NRXN3: variants seen among roughly 807,000 people sequenced by gnomAD.
NRXN3 encodes the protein neurexin III.
A neutral mutation model predicts 137.6 loss-of-function variants in NRXN3; 32 were observed. The ratio of observed to expected loss-of-function variants is 0.23; its 90% CI spans 0.18 to 0.31. The LOEUF is 0.31. Ranked by LOEUF, NRXN3 falls within the 10% of genes least tolerant of loss-of-function variation. The probability of loss-of-function intolerance (pLI) is 1.00; values close to 1 mark genes in which losing one functional copy is unlikely to be tolerated. For missense variants in NRXN3, 1,574 were observed against 2,062.5 expected (o/e 0.76, Z 4.59); for synonymous variants, 798 against 784.5 (o/e 1.02, Z -0.29).
intron 15 of NRXN3, among the ~76,000 whole-genome samples, chr14:79,374,276 A>AC (rs908458273): frequency 5.9e-5 from 9 of 152,056 alleles, no homozygotes; most frequent in African/African-American, 2.2e-4. Flanking sequence ...GGCCAAAGGG[A>AC]CCCCAGAAAA....
intron 16 of NRXN3, among the ~76,000 whole-genome samples, chr14:79,469,031 ACT>A (rs1277759083): frequency 1.3e-5 from 2 of 152,046 alleles, no homozygotes; most frequent in South Asian, 2.1e-4. Context: ...AATTTACAAA[ACT>A]CTGTGAGATT....
intron 16 of NRXN3, among the ~76,000 whole-genome samples, chr14:79,517,469 G>A (rs2097003825): frequency 6.6e-6 from 1 of 151,952 alleles, no homozygotes; most frequent in Non-Finnish European, 1.5e-5. Flanking sequence ...ATTTTATAAT[G>A]TTGAAGTTAT....
chr14:78,711,656 A>G (rs1031402498), intron 7 of NRXN3, among the ~76,000 whole-genome samples: 1 of 151,896 alleles, frequency 6.6e-6, no homozygotes. Flanking sequence ...GGCCAGGCCA[A>G]TCTCGAACTC....
intron 8 of NRXN3, among the ~76,000 whole-genome samples, chr14:78,797,520 A>T (rs1358534922): frequency 6.6e-6 from 1 of 152,230 alleles, no homozygotes; most frequent in Non-Finnish European, 1.5e-5. Flanking sequence ...CATCAAGTAG[A>T]TAATAAAATA....
At chr14:79,008,956 C>T (rs2099563711) in intron 15 of NRXN3, among the ~76,000 whole-genome samples, 1 of 152,032 alleles carries the variant, frequency 6.6e-6, no homozygotes, top group South Asian at 2.1e-4. Flanking sequence ...CACGCCTGGC[C>T]TGAATTTTTT....
chr14:78,957,443 A>G (rs2099398990), intron 11 of NRXN3, 82 bp downstream of exon 11: 1 of 1,499,970 alleles, frequency 6.7e-7, no homozygotes, highest in African/African-American at 1.4e-5. Flanking sequence ...GTTTTGCAAA[A>G]CCTTTTATTT....
At chr14:78,348,381 T>C (rs1021560674) in intron 4 of NRXN3, among the ~76,000 whole-genome samples, 5 of 152,162 alleles carry the variant, frequency 3.3e-5, no homozygotes, top group African/African-American at 1.2e-4. Flanking sequence ...GTCTGTACTT[T>C]AGTTTACTCT....
intron 1 of NRXN3, among the ~76,000 whole-genome samples, chr14:78,241,668 T>C (rs774856338): frequency 7.9e-5 from 12 of 152,088 alleles, no homozygotes; most frequent in Non-Finnish European, 1.6e-4. Flanking sequence ...CCTGATTTCA[T>C]TGATTCCTCT....
intron 15 of NRXN3, among the ~76,000 whole-genome samples, chr14:79,286,687 A>G (rs890255713): frequency 2.0e-5 from 3 of 151,898 alleles, no homozygotes; most frequent in Non-Finnish European, 2.9e-5. Context: ...TAATAGATAA[A>G]TAATAATGGC....
At chr14:79,284,695 C>T (rs566264597) in intron 15 of NRXN3, among the ~76,000 whole-genome samples, 133 of 152,020 alleles carry the variant, frequency 8.7e-4, no homozygotes, top group African/African-American at 3.0e-3. Flanking sequence ...GGTGATGGGC[C>T]CCCTTGTGAC....
intron 4 of NRXN3, among the ~76,000 whole-genome samples, chr14:78,438,084 T>C (rs1342766568): frequency 1.3e-5 from 2 of 152,114 alleles, no homozygotes; most frequent in African/African-American, 4.8e-5. Context: ...ACAGATTCTT[T>C]GGATGTTTTA....
chr14:79,624,871 C>A (rs2098267037), intron 16 of NRXN3, among the ~76,000 whole-genome samples: 1 of 147,782 alleles, frequency 6.8e-6, no homozygotes, highest in African/African-American at 2.6e-5. Context: ...TCACATGATT[C>A]CAGCTCACTG....
At chr14:78,320,431 T>C (rs1195483353) in intron 4 of NRXN3, among the ~76,000 whole-genome samples, 1 of 152,096 alleles carries the variant, frequency 6.6e-6, no homozygotes, top group Admixed American at 6.5e-5. Flanking sequence ...GGGCTTGAGG[T>C]CGTCTGTGTG....
intron 4 of NRXN3, among the ~76,000 whole-genome samples, chr14:78,335,043 C>T (rs1261297041): frequency 6.6e-6 from 1 of 152,144 alleles, no homozygotes; most frequent in African/African-American, 2.4e-5. Flanking sequence ...GGGGAGGCGT[C>T]ATCCCAGGCT....
chr14:78,570,453 G>A (rs1471209568), intron 4 of NRXN3, among the ~76,000 whole-genome samples: 1 of 152,198 alleles, frequency 6.6e-6, no homozygotes, highest in African/African-American at 2.4e-5. Flanking sequence ...CCTGTTTGGA[G>A]TGTTTTTGAG....
At chr14:78,782,728 A>T (rs531743683) in intron 8 of NRXN3, among the ~76,000 whole-genome samples, 82 of 152,322 alleles carry the variant, frequency 5.4e-4, no homozygotes, top group Non-Finnish European at 9.8e-4. Context: ...TATTATCCTT[A>T]TTTCACCAAT....
intron 16 of NRXN3, among the ~76,000 whole-genome samples, chr14:79,471,330 A>G (rs2096504240): frequency 6.6e-6 from 1 of 152,164 alleles, no homozygotes; most frequent in South Asian, 2.1e-4. Context: ...ATCCACAGGT[A>G]GGAGATCTAG....
intron 20 of NRXN3, among the ~76,000 whole-genome samples, chr14:79,828,430 G>A (rs968399171): frequency 3.3e-5 from 5 of 151,838 alleles, no homozygotes; most frequent in African/African-American, 1.2e-4. Context: ...GACTAGCCTG[G>A]CAAACATGGT....
In NRXN3 at chr14:78,532,348, G is replaced by T. The variant is rs192860874; in HGVS notation, c.758-112772G>T. Among the ~76,000 whole-genome samples, 6 of 145,836 alleles carry T rather than the reference G, an allele frequency of 4.1e-5. No individual in the cohort carries two copies. The East Asian group carries it at 1.2e-3, about 30-fold the overall frequency. On this transcript the variant is annotated intron_variant, in intron 4 of 20. Coordinates refer to ENST00000335750, the MANE Select transcript of NRXN3 (RefSeq NM_001330195.2). The stretch of plus-strand genomic sequence containing the variant: ...AAAGAAAAAAAAAAAGAAAAGAAAA[G>T]AAAAGAAAAAGAAAATTGATGATAT...
Sources: allele counts gnomAD v4.1 joint callset (sites outside exome capture counted in the v4.1 genomes callset), GRCh38; gene constraint gnomAD v4.1.1; transcripts MANE v1.5; gene names NCBI Gene and HGNC (gene_info 2026-07-23, HGNC 2026-07-21).